The following NFAT5 variants were observed in gnomAD, a reference collection of about 807,000 sequenced individuals.
NFAT5 encodes the protein nuclear factor of activated T-cells 5.
NFAT5 carries 31 observed loss-of-function variants against 166.5 expected under a neutral mutation model. The ratio of observed to expected loss-of-function variants is 0.19; its 90% CI spans 0.14 to 0.25. NFAT5 has a LOEUF of 0.25. NFAT5 is among the 10% of genes least tolerant of loss of function. NFAT5 has a pLI of 1.00. For missense variants in NFAT5, 1,449 were observed against 1,821.8 expected (o/e 0.80, Z 3.72); for synonymous variants, 612 against 639.7 (o/e 0.96, Z 0.65).
intron 3 of NFAT5, 63 bp from the exon 4 acceptor site, chr16:69,646,965 G>T: frequency 7.6e-7 from 1 of 1,311,078 alleles, no homozygotes; most frequent in Non-Finnish European, 1.0e-6. Flanking sequence ...TTTTCAATGG[G>T]ACTGCTAGCC....
intron 2 of NFAT5, among the ~76,000 whole-genome samples, chr16:69,615,201 C>G (rs2033887245): frequency 6.6e-6 from 1 of 152,086 alleles, no homozygotes; most frequent in Non-Finnish European, 1.5e-5. Context: ...GCCACCATGC[C>G]TGGCTAATTT....
intron 2 of NFAT5, among the ~76,000 whole-genome samples, chr16:69,593,790 G>C (rs2032623959): frequency 6.6e-6 from 1 of 152,148 alleles, no homozygotes; most frequent in South Asian, 2.1e-4. Flanking sequence ...ATTTTGTGCA[G>C]TATAAGAATA....
chr16:69,694,210 C>T lies in NFAT5; in HGVS notation c.4385C>T (p.Ser1462Leu). 1 of 1,610,560 alleles carries T rather than the reference C, an allele frequency of 6.2e-7. No individual in the cohort carries two copies. The change falls in exon 13 of 15, where the codon TCA becomes TTA. Residue 1462 changes from serine (S) to leucine (L), a missense_variant. Physicochemically the swap from Ser to Leu is moderately radical, Grantham distance 145 (BLOSUM62 -2). Transcript: ENST00000349945. ...QNSPGSSQQT[S>L]GMFLFGIQNN... ...TCTCCTGGCTCATCTCAGCAGACATCAGGAATGTTCTTATTTGGCATTCAA... is the reference window on the plus strand; with the variant it reads ...TCTCCTGGCTCATCTCAGCAGACATTAGGAATGTTCTTATTTGGCATTCAA...
chr16:69,609,819 G>GAAAAAA (rs1157655325), intron 2 of NFAT5, among the ~76,000 whole-genome samples: 161 of 75,124 alleles, frequency 2.1e-3, no homozygotes, highest in East Asian at 4.7e-3. Context: ...TGTCTCTACT[G>GAAAAAA]AAAAAAAAAA....
chr16:69,607,271 CTTA>C (rs1429494944), intron 2 of NFAT5, among the ~76,000 whole-genome samples: 1 of 152,140 alleles, frequency 6.6e-6, no homozygotes, highest in Non-Finnish European at 1.5e-5. Context: ...CTGCCTACCT[CTTA>C]TTTATTATAA....
intron 2 of NFAT5, among the ~76,000 whole-genome samples, chr16:69,572,051 C>T (rs1297825036): frequency 3.3e-5 from 5 of 152,038 alleles, no homozygotes; most frequent in African/African-American, 4.8e-5. Flanking sequence ...CGTGAGCCAC[C>T]GCACCTGGCC....
At position 69,695,269 on chromosome 16, in the gene NFAT5, T is replaced by G; in HGVS notation, c.4548T>G (p.Asn1516Lys). Residue 1516 changes from asparagine (N) to lysine (K), a missense_variant, in exon 14 of 15, where the codon AAT (asparagine) becomes AAG (lysine). Physicochemically the swap from Asn to Lys is moderately conservative, Grantham distance 94 (BLOSUM62 0). Coordinates refer to ENST00000349945, the MANE Select transcript of NFAT5 (RefSeq NM_138713.4). Reference sequence around the variant, plus strand: ...TTCTTTCTCAGCAAATGCCAGAGAATTCTCCACTGGCATCCTCTATAAACA... The same window carrying G: ...TTCTTTCTCAGCAAATGCCAGAGAAGTCTCCACTGGCATCCTCTATAAACA... ...TTLLSQQMPE[N>K]SPLASSINTN... The G allele has an allele frequency of 1.9e-6, 3 of 1,614,108 alleles. No homozygotes were observed. The highest frequency in any genetic ancestry group is 2.5e-6 in the Non-Finnish European group (3 of 1,179,982).
At chr16:69,596,889 T>C (rs950084993) in intron 2 of NFAT5, among the ~76,000 whole-genome samples, 3 of 152,068 alleles carry the variant, frequency 2.0e-5, no homozygotes, top group Admixed American at 2.0e-4. Context: ...AGTAAATAAT[T>C]AATTAAAAAG....
At chr16:69,595,293 G>T (rs952676839) in intron 2 of NFAT5, among the ~76,000 whole-genome samples, 24 of 152,166 alleles carry the variant, frequency 1.6e-4, no homozygotes, top group Non-Finnish European at 3.5e-4. Context: ...AGATGATACA[G>T]TGCCGATGTG....
intron 2 of NFAT5, among the ~76,000 whole-genome samples, chr16:69,605,631 C>T (rs1161606401): frequency 6.6e-6 from 1 of 152,032 alleles, no homozygotes; most frequent in Non-Finnish European, 1.5e-5. Flanking sequence ...AGTTTCTGTG[C>T]CCTAGTTTTT....
intron 11 of NFAT5, chr16:69,686,081 G>C (rs923676355): frequency 2.0e-5 from 3 of 152,274 alleles, no homozygotes; most frequent in African/African-American, 7.2e-5. Context: ...AGGCGCGGTG[G>C]CTCATGCCTT....
intron 9 of NFAT5, among the ~76,000 whole-genome samples, chr16:69,674,357 A>G (rs1340753286): frequency 5.3e-5 from 8 of 152,052 alleles, no homozygotes; most frequent in African/African-American, 1.7e-4. Context: ...AGTATACCTC[A>G]TGCTCATGTA....
At chr16:69,587,167 C>T (rs2032123961) in intron 2 of NFAT5, among the ~76,000 whole-genome samples, 1 of 152,036 alleles carries the variant, frequency 6.6e-6, no homozygotes, top group African/African-American at 2.4e-5. Context: ...ACTGCAACCT[C>T]TGCCTCCAGG....
At chr16:69,685,546 TAA>T (rs148053131) in intron 11 of NFAT5, 36 of 134,754 alleles carry the variant, frequency 2.7e-4, no homozygotes, top group Admixed American at 4.5e-4. Flanking sequence ...GACCCTGTCT[TAA>T]AAAAAAAAAA....
intron 2 of NFAT5, among the ~76,000 whole-genome samples, chr16:69,618,457 A>G (rs776488008): frequency 1.2e-4 from 19 of 152,242 alleles, no homozygotes; most frequent in Non-Finnish European, 2.1e-4. Flanking sequence ...ACCTGCAGCC[A>G]GTACATTTTT....
chr16:69,631,355 C>T (rs896267255), intron 3 of NFAT5, among the ~76,000 whole-genome samples: 5 of 152,000 alleles, frequency 3.3e-5, no homozygotes, highest in South Asian at 2.1e-4. Context: ...TGCTTGAACT[C>T]GGGTGGCAGA....
chr16:69,653,330 G>T lies in NFAT5; in HGVS notation c.907G>T (p.Val303Phe). ...AAGTGAGGGAAAGGAGCTGAAGATA[G>T]TTGTACAACCTGAGACACAGCACCG... ...VKSEGKELKI[V>F]VQPETQHRAR... is the part of the protein sequence containing the mutation. The change falls in exon 5 of 15, where the codon GTT (valine) becomes TTT (phenylalanine). Residue 303 changes from valine to phenylalanine, a missense_variant. Val to Phe is a conservative substitution (Grantham distance 50). Transcript: ENST00000349945. 1 of 1,613,354 alleles carries T rather than the reference G, an allele frequency of 6.2e-7. No homozygotes were observed.
chr16:69,642,927 TA>T (rs1021472927), intron 3 of NFAT5, among the ~76,000 whole-genome samples: 1 of 151,950 alleles, frequency 6.6e-6, no homozygotes, highest in Non-Finnish European at 1.5e-5. Flanking sequence ...CAATAAAATT[TA>T]TTCACATGGC....
At chr16:69,682,998 G>T (rs1474709336) in intron 10 of NFAT5, among the ~76,000 whole-genome samples, 1 of 152,058 alleles carries the variant, frequency 6.6e-6, no homozygotes, top group African/African-American at 2.4e-5. Context: ...GATCACCTGA[G>T]GTCAGAAGTT....
Sources: allele counts gnomAD v4.1 joint callset (sites outside exome capture counted in the v4.1 genomes callset), GRCh38; gene constraint gnomAD v4.1.1; transcripts MANE v1.5; gene names NCBI Gene and HGNC (gene_info 2026-07-23, HGNC 2026-07-21).